The following SEMA3C variants were observed in gnomAD, a reference collection of about 807,000 sequenced individuals.
SEMA3C encodes semaphorin-3C.
SEMA3C carries 47 observed loss-of-function variants against 89.4 expected under a neutral mutation model. The ratio of observed to expected loss-of-function variants is 0.53; its 90% CI spans 0.42 to 0.67. SEMA3C has a LOEUF of 0.67. Ranked by LOEUF, SEMA3C falls within the 30% of genes least tolerant of loss-of-function variation. The pLI, the probability that SEMA3C is intolerant of heterozygous loss-of-function variation, is 0.00. For missense variants in SEMA3C, 839 were observed against 929.1 expected (o/e 0.90, Z 1.26); for synonymous variants, 310 against 320.2 (o/e 0.97, Z 0.34).
chr7:80,880,345 A>T lies in SEMA3C; in HGVS notation c.103+36334T>A, dbSNP rs186338167. Among the ~76,000 whole-genome samples the T allele has an allele frequency of 3.5e-4, 54 of 152,292 alleles. 1 individual carries two copies. In the East Asian group the frequency reaches 9.7e-3, roughly 27 times the overall value. On this transcript the variant is annotated intron_variant, in intron 2 of 17. Coordinates refer to ENST00000265361, the MANE Select transcript of SEMA3C (RefSeq NM_006379.5). Reference sequence around the variant, plus strand: ...TGTTTTTTATCTGTCTCCTTCCACAAGAATATAAGATTCACTATAGTACAA... The same window carrying T: ...TGTTTTTTATCTGTCTCCTTCCACATGAATATAAGATTCACTATAGTACAA...
intron 2 of SEMA3C, among the ~76,000 whole-genome samples, chr7:80,836,486 T>G (rs1405673228): frequency 6.6e-6 from 1 of 152,124 alleles, no homozygotes; most frequent in African/African-American, 2.4e-5. Flanking sequence ...GAGACAAGCC[T>G]GGCCAACATG....
chr7:80,789,680 T>C, intron 11 of SEMA3C, 152 bp from the exon 12 acceptor site: 1 of 618,094 alleles, frequency 1.6e-6, no homozygotes. Flanking sequence ...AACATGATTA[T>C]GTTTTACTAT....
At chr7:80,873,167 C>T (rs1424582518) in intron 2 of SEMA3C, among the ~76,000 whole-genome samples, 4 of 152,058 alleles carry the variant, frequency 2.6e-5, no homozygotes, top group African/African-American at 4.8e-5. Flanking sequence ...GCGTACAGGG[C>T]CCAAAGTAGG....
intron 10 of SEMA3C, among the ~76,000 whole-genome samples, chr7:80,800,021 C>G (rs1021983119): frequency 1.3e-5 from 2 of 151,232 alleles, no homozygotes; most frequent in African/African-American, 4.9e-5. Flanking sequence ...GGCGTGGTGG[C>G]GGGCGCCTGT....
At chr7:80,894,803 T>G (rs1791694735) in intron 2 of SEMA3C, among the ~76,000 whole-genome samples, 1 of 152,116 alleles carries the variant, frequency 6.6e-6, no homozygotes, top group Non-Finnish European at 1.5e-5. Flanking sequence ...TTATCTCAAT[T>G]CCTCCATTTA....
rs372822667 is a variant in SEMA3C at position 80,916,738 on chromosome 7, C to A, written c.44G>T (p.Cys15Phe). The change falls in exon 2 of 18, where the codon TGT becomes TTT. Residue 15 changes from cysteine to phenylalanine, a missense_variant. By Grantham distance (205) the Cys-to-Phe change is radical. Transcript: ENST00000265361. ...GGAAGATCCTTTCACACAGATAGAACAAATAAATACTCCAACCAACACGCA... is the reference window on the plus strand; with the variant it reads ...GGAAGATCCTTTCACACAGATAGAAAAAATAAATACTCCAACCAACACGCA... ...TICVLVGVFI[C>F]SICVKGSSQP... 2 of 1,613,530 alleles carry A rather than the reference C, an allele frequency of 1.2e-6. No individual in the cohort carries two copies. Among genetic ancestry groups the A allele is most frequent in the East Asian group, 4.5e-5 (2 of 44,826 alleles).
intron 12 of SEMA3C, among the ~76,000 whole-genome samples, chr7:80,767,691 A>G (rs970245628): frequency 2.0e-5 from 3 of 152,226 alleles, no homozygotes; most frequent in Non-Finnish European, 4.4e-5. Flanking sequence ...CATCAACATA[A>G]TGCACATTTT....
intron 12 of SEMA3C, among the ~76,000 whole-genome samples, chr7:80,779,459 A>G (rs141201975): frequency 1.3e-5 from 2 of 152,258 alleles, no homozygotes; most frequent in East Asian, 3.9e-4. Flanking sequence ...TCAAGCCACA[A>G]ATCAATTTTT....
chr7:80,750,473 T>TATATACATACACACACAC (rs869227686), intron 16 of SEMA3C, among the ~76,000 whole-genome samples: 3 of 55,436 alleles, frequency 5.4e-5, no homozygotes, highest in Non-Finnish European at 1.1e-4. Flanking sequence ...TATATATATA[T>TATATACATACACACACAC]ACACACACAC....
At chr7:80,826,287 T>C (rs1789871541) in intron 4 of SEMA3C, among the ~76,000 whole-genome samples, 1 of 152,160 alleles carries the variant, frequency 6.6e-6, no homozygotes, top group Non-Finnish European at 1.5e-5. Flanking sequence ...ACTCCTGAAA[T>C]CAGCATCTCT....
intron 2 of SEMA3C, among the ~76,000 whole-genome samples, chr7:80,902,214 A>G (rs970705140): frequency 6.6e-6 from 1 of 152,180 alleles, no homozygotes; most frequent in African/African-American, 2.4e-5. Context: ...TGGCCTCTCA[A>G]AAGGTTGGGA....
intron 2 of SEMA3C, among the ~76,000 whole-genome samples, chr7:80,896,722 C>A (rs1026489355): frequency 3.9e-5 from 6 of 152,070 alleles, no homozygotes; most frequent in Admixed American, 2.0e-4. Context: ...GTCTGTTGGG[C>A]CCTATTCTGG....
chr7:80,855,151 G>C (rs944387663), intron 2 of SEMA3C, among the ~76,000 whole-genome samples: 1 of 152,038 alleles, frequency 6.6e-6, no homozygotes, highest in Non-Finnish European at 1.5e-5. Context: ...AAGACTATAA[G>C]TTATTATCCA....
At chr7:80,836,949 A>G (rs1790145066) in intron 2 of SEMA3C, among the ~76,000 whole-genome samples, 1 of 152,144 alleles carries the variant, frequency 6.6e-6, no homozygotes, top group Non-Finnish European at 1.5e-5. Context: ...CAACCTCTTA[A>G]TTACCTTGAA....
At chr7:80,919,308 C>T (rs529562160), upstream of SEMA3C, 8 of 985,292 alleles carry the variant, frequency 8.1e-6, no homozygotes, top group South Asian at 9.4e-5. Context: ...TGCGCGGCCG[C>T]AGGCTGGAGC....
intron 5 of SEMA3C, among the ~76,000 whole-genome samples, chr7:80,817,657 T>C (rs78762349): frequency 1.4e-5 from 2 of 147,504 alleles, no homozygotes; most frequent in East Asian, 3.9e-4. Flanking sequence ...TTAGCAAACA[T>C]CATACCATAA....
intron 2 of SEMA3C, among the ~76,000 whole-genome samples, chr7:80,832,188 G>A (rs1790022332): frequency 6.6e-6 from 1 of 152,090 alleles, no homozygotes; most frequent in Non-Finnish European, 1.5e-5. Context: ...GGTGATTCAT[G>A]ATGTATAGGA....
chr7:80,780,430 T>C (rs1213986652), intron 12 of SEMA3C, among the ~76,000 whole-genome samples: 1 of 152,192 alleles, frequency 6.6e-6, no homozygotes, highest in Non-Finnish European at 1.5e-5. Flanking sequence ...TTTGCATAAA[T>C]CACTAAGGAC....
intron 2 of SEMA3C, among the ~76,000 whole-genome samples, chr7:80,856,729 A>G (rs905490114): frequency 6.6e-6 from 1 of 152,080 alleles, no homozygotes; most frequent in Non-Finnish European, 1.5e-5. Context: ...TCCTAGATAA[A>G]ACTCATCCAC....
Sources: allele counts gnomAD v4.1 joint callset (sites outside exome capture counted in the v4.1 genomes callset), GRCh38; gene constraint gnomAD v4.1.1; transcripts MANE v1.5; gene names NCBI Gene and HGNC (gene_info 2026-07-23, HGNC 2026-07-21).